Variants in CRB3 observed in about 807,000 individuals in gnomAD.
The protein encoded by CRB3 is crumbs cell polarity complex component 3.
Under a neutral mutation model 10.4 loss-of-function variants are expected in CRB3, and 4 were observed. That is an observed-to-expected ratio of 0.39 (90% CI 0.19 to 0.88). The LOEUF (loss-of-function observed/expected upper bound fraction) is 0.88. Among genes scored for constraint, CRB3 ranks in the 40% least tolerant of loss-of-function variants. CRB3 has a pLI of 0.39. For synonymous variants in CRB3, 74 were observed against 73.4 expected (o/e 1.01, Z -0.04); for missense variants, 154 against 160.2 (o/e 0.96, Z 0.21).
At chr19:6,465,405 T>C in intron 2 of CRB3, 140 bp from the exon 3 acceptor site, 1 of 757,550 alleles carries the variant, frequency 1.3e-6, no homozygotes. Flanking sequence ...CACCCAACCA[T>C]CTCTGTGCGA....
chr19:6,466,424 C>T lies in CRB3; in HGVS notation c.157-42C>T. The T allele has an allele frequency of 6.4e-7, 1 of 1,569,052 alleles. No homozygotes were observed. The highest frequency in any genetic ancestry group is 1.1e-5 in the South Asian group (1 of 90,132). ...TGCCATTCAGGTGGAGGTGGACAGG[C>T]TACCCAGGCTCAGGTGATTCACACC... On this transcript the variant is annotated intron_variant, in intron 3 of 3. Transcript: ENST00000600229. This position sits in a 1 kb window ranked among gnomAD's most constrained non-coding sequence, Gnocchi z 4.9.
Position 6,466,858 on chromosome 19 carries a change from G to T in CRB3, c.*186G>T. 6.4e-7 allele frequency: 1 copy of T among 1,568,822 alleles called. No individual in the cohort carries two copies. On this transcript the variant is annotated 3_prime_UTR_variant, in exon 4 of 4. Transcript: ENST00000600229. The surrounding 1 kb of genome is among the most constrained non-coding windows in gnomAD (Gnocchi z 4.9). The stretch of plus-strand genomic sequence containing the variant: ...CTGCTTGGCTGTGCCTGCAGCTCAG[G>T]GTGCTGGGGCTCGGGACCCACCCCC...
intron 2 of CRB3, chr19:6,465,342 C>T (rs348360): frequency 7.9e-6 from 5 of 636,044 alleles, no homozygotes; most frequent in Admixed American, 4.8e-5. Flanking sequence ...GGGACTGGGT[C>T]GGGGGGGTGT....
chr19:6,466,210 A>AAT lies in CRB3; in HGVS notation c.157-256_157-255insAT, dbSNP rs1035859953. Among the ~76,000 whole-genome samples the AAT allele has an allele frequency of 6.6e-6, 1 of 151,872 alleles. No individual in the cohort carries two copies. Among genetic ancestry groups the AAT allele is most frequent in the African/African-American group, 2.4e-5 (1 of 41,344 alleles). On this transcript the variant is annotated intron_variant, in intron 3 of 3. Transcript: ENST00000600229. This position sits in a 1 kb window ranked among gnomAD's most constrained non-coding sequence, Gnocchi z 4.9. Reference sequence around the variant, plus strand: ...AGCAAGACTCGGTCTCAAAAAAAAAAGCCGGAGTCCCAGACATGGCAGGTG... The same window carrying AAT: ...AGCAAGACTCGGTCTCAAAAAAAAAAATGCCGGAGTCCCAGACATGGCAGGTG...
chr19:6,464,089 C>T (rs1169392317), upstream of CRB3: 3 of 152,272 alleles, frequency 2.0e-5, no homozygotes, highest in Admixed American at 2.0e-4. The surrounding 1 kb of genome is among the most constrained non-coding windows in gnomAD (Gnocchi z 5.3). Context: ...CGGTCTCCCT[C>T]CCCGCATCCC....
chr19:6,466,383 G>C lies in CRB3; in HGVS notation c.157-83G>C. The C allele has an allele frequency of 9.3e-7, 1 of 1,078,142 alleles. No individual in the cohort carries two copies. The highest frequency in any genetic ancestry group is 1.4e-6 in the Non-Finnish European group (1 of 706,786). The allele number at this position is 1,078,142 out of a possible 1,614,324, so 66.8% of individuals were successfully genotyped here. A position where few individuals can be genotyped will look rare whatever the true frequency, so the allele number is the denominator to read the frequency against. ...TGTGTGTGTGTGTGTTGTGGGGTAG[G>C]GGGTGATGAGGGGGATGCCATTCAG... On this transcript the variant is annotated intron_variant, in intron 3 of 3. Transcript: ENST00000600229. The surrounding 1 kb of genome is among the most constrained non-coding windows in gnomAD (Gnocchi z 4.9).
chr19:6,465,706 C>T, intron 3 of CRB3, 88 bp downstream of exon 3: 1 of 1,163,640 alleles, frequency 8.6e-7, no homozygotes, highest in South Asian at 1.2e-5. Context: ...TAGACACCCC[C>T]TCCCCCCAGA....
At position 6,466,651 on chromosome 19, in the gene CRB3, G is replaced by A. The variant is rs368337580; in HGVS notation, c.342G>A (p.Pro114=). 3.9e-5 allele frequency: 63 copies of A among 1,601,330 alleles called. No homozygotes were observed. The highest frequency in any genetic ancestry group is 5.0e-5 in the Admixed American group (3 of 59,946). ...RVPPTPNLKL[P]PEERLI Reference sequence around the variant, plus strand: ...CACCGACCCCCAACCTCAAGTTGCCGCCGGAAGAGCGGCTCATCTGAACGC... The same window carrying A: ...CACCGACCCCCAACCTCAAGTTGCCACCGGAAGAGCGGCTCATCTGAACGC... The change falls in exon 4 of 4, where the codon CCG becomes CCA. Residue 114 remains proline (P), a synonymous_variant. Coordinates refer to ENST00000600229, the MANE Select transcript of CRB3 (RefSeq NM_139161.5). The surrounding 1 kb of genome is among the most constrained non-coding windows in gnomAD (Gnocchi z 4.9).
Position 6,466,315 on chromosome 19 carries a change from C to T in CRB3, c.157-151C>T. 1 of 729,484 alleles carries T rather than the reference C, an allele frequency of 1.4e-6. No individual in the cohort carries two copies. The highest frequency in any genetic ancestry group is 1.7e-5 in the African/African-American group (1 of 57,244). The allele number at this position is 729,484 out of a possible 1,614,324, so 45.2% of individuals were successfully genotyped here. A position where few individuals can be genotyped will look rare whatever the true frequency, so the allele number is the denominator to read the frequency against. ...CAAGGTAGGTAGGGATCCAGGAAGC[C>T]CCACTGTGGGGATCAGATCACCAAA... On this transcript the variant is annotated intron_variant, in intron 3 of 3. Transcript: ENST00000600229. The surrounding 1 kb of genome is among the most constrained non-coding windows in gnomAD (Gnocchi z 4.9).
At position 6,464,659 on chromosome 19, in the gene CRB3, C is replaced by T. The variant is rs2092785992; in HGVS notation, c.-43C>T. ...GGAGATGCGGTAGGAGGGGCGAGCG[C>T]GAGAAGCCCCTTCCTCGGCGCTGCC... On this transcript the variant is annotated 5_prime_UTR_variant, in exon 2 of 4. Transcript: ENST00000600229. The surrounding 1 kb of genome is among the most constrained non-coding windows in gnomAD (Gnocchi z 5.3). The T allele has an allele frequency of 3.4e-6, 4 of 1,173,024 alleles. No homozygotes were observed. The highest frequency in any genetic ancestry group is 3.2e-6 in the Non-Finnish European group (3 of 934,282). 72.7% of individuals were successfully genotyped at this position (1,173,024 alleles called of 1,614,324 possible).
chr19:6,467,187 T>C lies in CRB3; in HGVS notation c.*515T>C, dbSNP rs2092799865. 3 of 558,122 alleles carry C rather than the reference T, an allele frequency of 5.4e-6. No homozygotes were observed. In the East Asian group the frequency reaches 9.2e-5, roughly 17 times the overall value. The allele number at this position is 558,122 out of a possible 1,614,324, so 34.6% of individuals were successfully genotyped here. ...GAGGATGGGGCTATTCACTTTTATA[T>C]ATTTATATAAAATTAGTAGTGAGAT... On this transcript the variant is annotated 3_prime_UTR_variant, in exon 4 of 4. Coordinates refer to ENST00000600229, the MANE Select transcript of CRB3 (RefSeq NM_139161.5).
Position 6,464,778 on chromosome 19 carries a change from G to A in CRB3, c.77G>A (p.Gly26Glu). The A allele has an allele frequency of 3.2e-6, 4 of 1,268,630 alleles. No homozygotes were observed. Among genetic ancestry groups the A allele is most frequent in the Non-Finnish European group, 4.0e-6 (4 of 1,005,236 alleles). 78.6% of individuals were successfully genotyped at this position (1,268,630 alleles called of 1,614,324 possible). ...CTGGCCCGCTGGGGCCGAGCCTGGG[G>A]GCAAAGTAGGTACCAGCTGAGAGCG... is the stretch of plus-strand genomic sequence containing the variant. ...FLLARWGRAWGQIQTTSANEN... is the reference protein window; with the variant it reads ...FLLARWGRAWEQIQTTSANEN... Residue 26 changes from glycine (G) to glutamate (E), a missense_variant, in exon 2 of 4, where the codon GGG (glycine) becomes GAG (glutamate). Gly to Glu is a moderately conservative substitution (Grantham distance 98). Transcript: ENST00000600229. The surrounding 1 kb of genome is among the most constrained non-coding windows in gnomAD (Gnocchi z 5.3).
Position 6,464,709 on chromosome 19 carries a change from A to G in CRB3, c.8A>G (p.Asn3Ser). 8.1e-7 allele frequency: 1 copy of G among 1,239,658 alleles called. No individual in the cohort carries two copies. The highest frequency in any genetic ancestry group is 1.0e-6 in the Non-Finnish European group (1 of 991,320). The allele number at this position is 1,239,658 out of a possible 1,614,324, so 76.8% of individuals were successfully genotyped here. A position where few individuals can be genotyped will look rare whatever the true frequency, so the allele number is the denominator to read the frequency against. ...CAACCCGCCACCCAGCCCATGGCGA[A>G]CCCCGGGCTGGGGCTGCTTCTGGCG... MA[N>S]PGLGLLLALG... The change falls in exon 2 of 4, where the codon AAC becomes AGC. Residue 3 changes from asparagine (N) to serine (S), a missense_variant. Coordinates refer to ENST00000600229, the MANE Select transcript of CRB3 (RefSeq NM_139161.5). The surrounding 1 kb of genome is among the most constrained non-coding windows in gnomAD (Gnocchi z 5.3).
rs113905360 is a variant in CRB3, at chr19:6,466,746, C to T, written c.*74C>T. On this transcript the variant is annotated 3_prime_UTR_variant, in exon 4 of 4. Coordinates refer to ENST00000600229, the MANE Select transcript of CRB3 (RefSeq NM_139161.5). The surrounding 1 kb of genome is among the most constrained non-coding windows in gnomAD (Gnocchi z 4.9). The stretch of plus-strand genomic sequence containing the variant: ...CTGGCTTGTACACCGCAGCTGCCAC[C>T]GAGACACCAGCCTCTGATGGCTCAG... 3,645 of 1,555,376 alleles carry T rather than the reference C, an allele frequency of 2.3e-3. 70 individuals carry two copies. The African/African-American group carries it at 0.043, about 18-fold the overall frequency.
Position 6,466,709 on chromosome 19 carries a change from G to T in CRB3, c.*37G>T. 1 of 1,587,216 alleles carries T rather than the reference G, an allele frequency of 6.3e-7. No individual in the cohort carries two copies. The highest frequency in any genetic ancestry group is 2.3e-5 in the East Asian group (1 of 44,148). On this transcript the variant is annotated 3_prime_UTR_variant, in exon 4 of 4. Transcript: ENST00000600229. The surrounding 1 kb of genome is among the most constrained non-coding windows in gnomAD (Gnocchi z 4.9). ...TGCTGCAGCCACCAACACTGCCCAG[G>T]ACTGCGGGTTGCTGGCTTGTACACC...
At position 6,465,552 on chromosome 19, in the gene CRB3, C is replaced by T. The variant is rs745531248; in HGVS notation, c.90C>T (p.Thr30=). The change falls in exon 3 of 4, where the codon ACC becomes ACT. Residue 30 remains threonine, a synonymous_variant. Coordinates refer to ENST00000600229, the MANE Select transcript of CRB3 (RefSeq NM_139161.5). ...RWGRAWGQIQ[T]TSANENSTVL... ...TGCCTTCACCCTCCACAGTACAGACCACTTCTGCAAATGAGAATAGCACTG... is the reference window on the plus strand; with the variant it reads ...TGCCTTCACCCTCCACAGTACAGACTACTTCTGCAAATGAGAATAGCACTG... The T allele has an allele frequency of 1.4e-5, 22 of 1,613,704 alleles. No homozygotes were observed. In the East Asian group the frequency reaches 4.7e-4, roughly 34 times the overall value.
rs750191541 is a variant in CRB3 at position 6,466,515 on chromosome 19, C to T, written c.206C>T (p.Ala69Val). The T allele has an allele frequency of 1.9e-6, 3 of 1,613,762 alleles. No homozygotes were observed. The highest frequency in any genetic ancestry group is 2.2e-5 in the South Asian group (2 of 91,078). Residue 69 changes from alanine to valine, a missense_variant, in exon 4 of 4, where the codon GCC becomes GTC. Transcript: ENST00000600229. The surrounding 1 kb of genome is among the most constrained non-coding windows in gnomAD (Gnocchi z 4.9). ...AIIVVFSLLA[A>V]LLLAVGLALL... Reference sequence around the variant, plus strand: ...ATCGTGGTCTTCTCCCTCTTGGCTGCCTTGCTCCTGGCTGTGGGGCTGGCA... The same window carrying T: ...ATCGTGGTCTTCTCCCTCTTGGCTGTCTTGCTCCTGGCTGTGGGGCTGGCA...
In CRB3 at chr19:6,467,045, C is replaced by T. The variant is rs1352042111; in HGVS notation, c.*373C>T. Reference sequence around the variant, plus strand: ...TAGGTCCCCTCTCCTGCATCTGTCTCCCTTCATTGCTGTGTGACCTTGGGG... The same window carrying T: ...TAGGTCCCCTCTCCTGCATCTGTCTTCCTTCATTGCTGTGTGACCTTGGGG... On this transcript the variant is annotated 3_prime_UTR_variant, in exon 4 of 4. Coordinates refer to ENST00000600229, the MANE Select transcript of CRB3 (RefSeq NM_139161.5). The T allele has an allele frequency of 6.2e-7, 1 of 1,605,246 alleles. No homozygotes were observed. The highest frequency in any genetic ancestry group is 8.5e-7 in the Non-Finnish European group (1 of 1,172,572).
chr19:6,466,557 T>C lies in CRB3; in HGVS notation c.248T>C (p.Leu83Pro). 6.2e-7 allele frequency: 1 copy of C among 1,612,428 alleles called. No homozygotes were observed. The highest frequency in any genetic ancestry group is 2.2e-5 in the East Asian group (1 of 44,858). ...AVGLALLVRK[L>P]REKRQTEGTY... The stretch of plus-strand genomic sequence containing the variant: ...GGGCTGGCACTGTTGGTGCGGAAGC[T>C]TCGGGAGAAGCGGCAGACGGAGGGC... Residue 83 changes from leucine (L) to proline (P), a missense_variant, in exon 4 of 4, where the codon CTT becomes CCT. Transcript: ENST00000600229. The surrounding 1 kb of genome is among the most constrained non-coding windows in gnomAD (Gnocchi z 4.9).
Sources: gnomAD v4.1 joint callset for allele counts (sites outside exome capture counted in the v4.1 genomes callset) on GRCh38, gnomAD v4.1.1 for gene constraint, Gnocchi (gnomAD v3.1) non-coding constraint, MANE v1.5 for transcripts, NCBI Gene and HGNC (gene_info 2026-07-23, HGNC 2026-07-21) for gene names.